ADGRB1: variants seen among roughly 807,000 people sequenced by gnomAD.
The protein encoded by ADGRB1 is brain-specific angiogenesis inhibitor 1.
ADGRB1 carries 36 observed loss-of-function variants against 175.7 expected under a neutral mutation model. That is an observed-to-expected ratio of 0.20 (90% confidence interval 0.16 to 0.27). The LOEUF (loss-of-function observed/expected upper bound fraction) is 0.27, where lower values mean the gene tolerates loss of function less well. Ranked by LOEUF, ADGRB1 falls within the 10% of genes least tolerant of loss-of-function variation. The pLI, the probability that ADGRB1 is intolerant of heterozygous loss-of-function variation, is 1.00. For missense variants in ADGRB1, 1,731 were observed against 2,255.3 expected, an observed-to-expected ratio of 0.77 and a Z score of 4.71; for synonymous variants, 1,054 against 979.4, an observed-to-expected ratio of 1.08 and a Z score of -1.42.
chr8:142,479,668 A>G, intron 8 of ADGRB1, 25 bp from the exon 9 acceptor site: 1 of 1,604,452 alleles, frequency 6.2e-7, no homozygotes, highest in Non-Finnish European at 8.5e-7. Context: ...CCCTTCCTGA[A>G]CCCCTGTCCC....
Position 142,542,497 on chromosome 8 carries a change from TC to T in ADGRB1, c.4267del (p.Gln1423SerfsTer45). On this transcript the variant is annotated frameshift_variant, in exon 28 of 31. Coordinates refer to ENST00000517894, the MANE Select transcript of ADGRB1 (RefSeq NM_001702.3). LOFTEE classifies it high-confidence loss of function. The surrounding 1 kb of genome is among the most constrained non-coding windows in gnomAD (Gnocchi z 6.3). ...PPPPPPPPPP[P>X]QQPLPPPPNL... ...CGCCTCCGCCCCCACCGCCACCACCTCCCCAGCAGCCCCTGCCCCCACCGCC... is the reference window on the plus strand; with the variant it reads ...CGCCTCCGCCCCCACCGCCACCACCTCCCAGCAGCCCCTGCCCCCACCGCC... 1.3e-6 allele frequency: 1 copy of T among 756,100 alleles called. No homozygotes were observed. The highest frequency in any genetic ancestry group is 1.7e-6 in the Non-Finnish European group (1 of 590,216). 46.8% of individuals were successfully genotyped at this position (756,100 alleles called of 1,614,324 possible). A position where few individuals can be genotyped will look rare whatever the true frequency, so the allele number is the denominator to read the frequency against.
At chr8:142,478,622 G>A (rs1841136743) in intron 7 of ADGRB1, among the ~76,000 whole-genome samples, 2 of 151,278 alleles carry the variant, frequency 1.3e-5, no homozygotes, top group African/African-American at 4.9e-5. Context: ...GGAGTGGGGT[G>A]CACAGTGGGA....
intron 11 of ADGRB1, 131 bp downstream of exon 11, chr8:142,481,842 G>T (rs941785490): frequency 1.2e-6 from 1 of 802,488 alleles, no homozygotes; most frequent in Non-Finnish European, 1.9e-6. Flanking sequence ...GTTGAACTCT[G>T]ACCTTTGTCA....
intron 20 of ADGRB1, among the ~76,000 whole-genome samples, chr8:142,521,513 G>A (rs1018815979): frequency 9.2e-5 from 14 of 152,372 alleles, no homozygotes; most frequent in African/African-American, 1.4e-4. Context: ...AAGAGGGCCC[G>A]CAGTGAGACA....
intron 17 of ADGRB1, among the ~76,000 whole-genome samples, chr8:142,491,581 C>T (rs866838645): frequency 9.2e-5 from 14 of 152,188 alleles, no homozygotes; most frequent in South Asian, 2.1e-4. Flanking sequence ...CGATGGCGGC[C>T]GGGTCCCAAC....
intron 8 of ADGRB1, 48 bp from the exon 9 acceptor site, chr8:142,479,645 C>G (rs1022038777): frequency 2.5e-6 from 4 of 1,579,364 alleles, no homozygotes; most frequent in Non-Finnish European, 3.5e-6. Flanking sequence ...AGCCAGCTGC[C>G]GGCTCTCAGT....
chr8:142,465,558 G>T (rs1840231706), intron 2 of ADGRB1, among the ~76,000 whole-genome samples: 1 of 152,026 alleles, frequency 6.6e-6, no homozygotes, highest in Non-Finnish European at 1.5e-5. Flanking sequence ...TCTGCCACAC[G>T]CTCTAGGTGC....
At chr8:142,536,617 G>A (rs116842155) in intron 25 of ADGRB1, among the ~76,000 whole-genome samples, 12 of 152,262 alleles carry the variant, frequency 7.9e-5, no homozygotes, top group Admixed American at 5.2e-4. Flanking sequence ...AGGAGGCAAC[G>A]ACATTGAGGC....
chr8:142,544,545 A>T lies in ADGRB1; in HGVS notation c.*128A>T. 8.6e-7 allele frequency: 1 copy of T among 1,158,238 alleles called. No homozygotes were observed. The highest frequency in any genetic ancestry group is 1.1e-6 in the Non-Finnish European group (1 of 882,798). The allele number at this position is 1,158,238 out of a possible 1,614,324, so 71.7% of individuals were successfully genotyped here. On this transcript the variant is annotated 3_prime_UTR_variant, in exon 31 of 31. Transcript: ENST00000517894. ...CCCGCACCCCGGCCTCAGGGCGCTCAGACGGCGGCCAGGCACAGGGCCCGC... is the reference window on the plus strand; with the variant it reads ...CCCGCACCCCGGCCTCAGGGCGCTCTGACGGCGGCCAGGCACAGGGCCCGC...
chr8:142,469,800 C>T (rs1054064551), intron 2 of ADGRB1, among the ~76,000 whole-genome samples: 3 of 151,852 alleles, frequency 2.0e-5, no homozygotes, highest in Middle Eastern at 6.8e-3. Flanking sequence ...CGTGCGTGTG[C>T]GTGGGGGGGA....
intron 1 of ADGRB1, among the ~76,000 whole-genome samples, chr8:142,451,585 G>A (rs1021727758): frequency 1.8e-4 from 28 of 152,068 alleles, no homozygotes; most frequent in African/African-American, 6.5e-4. Context: ...GTTGGGGAGG[G>A]AGCTGGGAGG....
At position 142,510,131 on chromosome 8, in the gene ADGRB1, G is replaced by A. The variant is rs1843005104; in HGVS notation, c.2676-801G>A. ...GGAAGAACAGGAGGAGGAGGTTGGG[G>A]GTGGAGAGGAGGAGGAGGGGTTTGC... On this transcript the variant is annotated intron_variant, in intron 17 of 30. Transcript: ENST00000517894. The surrounding 1 kb of genome is among the most constrained non-coding windows in gnomAD (Gnocchi z 6.3). 6.6e-6 allele frequency among the ~76,000 whole-genome samples: 1 copy of A among 152,064 alleles called. No homozygotes were observed. The highest frequency in any genetic ancestry group is 1.9e-4 in the East Asian group (1 of 5,176).
intron 21 of ADGRB1, 105 bp downstream of exon 21, chr8:142,522,220 G>A: frequency 2.7e-6 from 4 of 1,469,246 alleles, no homozygotes; most frequent in Non-Finnish European, 3.6e-6. Context: ...GGACCCCTGG[G>A]GCCTCAGTTG....
intron 2 of ADGRB1, among the ~76,000 whole-genome samples, chr8:142,465,986 G>A (rs967992163): frequency 1.3e-5 from 2 of 152,222 alleles, no homozygotes; most frequent in African/African-American, 4.8e-5. Context: ...GCCCTGTGGA[G>A]GCCCCGTGGG....
chr8:142,457,819 G>A (rs922130666), intron 1 of ADGRB1, among the ~76,000 whole-genome samples: 11 of 152,164 alleles, frequency 7.2e-5, no homozygotes, highest in Non-Finnish European at 1.5e-4. Context: ...CCTGAGACAC[G>A]CAAATAAGTT....
In ADGRB1 at chr8:142,475,511, G is replaced by C. The variant is rs866083055; in HGVS notation, c.822G>C (p.Thr274=). Residue 274 remains threonine (T), a synonymous_variant, in exon 3 of 31, where the codon ACG becomes ACC. Transcript: ENST00000517894. Reference sequence around the variant, plus strand: ...TGTGGTCCCTGTGGGGCGAATGCACGCGGGACTGCGGGGGAGGCCTCCAGA... The same window carrying C: ...TGTGGTCCCTGTGGGGCGAATGCACCCGGGACTGCGGGGGAGGCCTCCAGA... ...WKLWSLWGEC[T]RDCGGGLQTR... is the part of the protein sequence containing the mutation. 15 of 1,294,628 alleles carry C rather than the reference G, an allele frequency of 1.2e-5. No individual in the cohort carries two copies. In the Middle Eastern group the frequency reaches 1.9e-3, roughly 162 times the overall value. The allele number at this position is 1,294,628 out of a possible 1,614,324, so 80.2% of individuals were successfully genotyped here. A position where few individuals can be genotyped will look rare whatever the true frequency, so the allele number is the denominator to read the frequency against.
At position 142,474,150 on chromosome 8, in the gene ADGRB1, C is replaced by T. The variant is rs1223158960; in HGVS notation, c.785-1324C>T. Reference sequence around the variant, plus strand: ...GAGCTACCCTGGGGTCTCCTGCAGTCCACACTCCCACTGAGGGAGGCAGGG... The same window carrying T: ...GAGCTACCCTGGGGTCTCCTGCAGTTCACACTCCCACTGAGGGAGGCAGGG... On this transcript the variant is annotated intron_variant, in intron 2 of 30. Transcript: ENST00000517894. This position sits in a 1 kb window ranked among gnomAD's most constrained non-coding sequence, Gnocchi z 5.8. 1.3e-5 allele frequency among the ~76,000 whole-genome samples: 2 copies of T among 152,092 alleles called. No individual in the cohort carries two copies. The highest frequency in any genetic ancestry group is 2.1e-4 in the South Asian group (1 of 4,828).
At chr8:142,458,058 C>T (rs985377926) in intron 1 of ADGRB1, among the ~76,000 whole-genome samples, 2 of 146,708 alleles carry the variant, frequency 1.4e-5, no homozygotes, top group Non-Finnish European at 3.0e-5. Context: ...TTCAGAGGGC[C>T]GGCAGGACAA....
chr8:142,464,033 G>A lies in ADGRB1; in HGVS notation c.-166G>A. The A allele has an allele frequency of 1.8e-6, 1 of 549,156 alleles. No individual in the cohort carries two copies. The highest frequency in any genetic ancestry group is 2.7e-6 in the Non-Finnish European group (1 of 372,604). The allele number at this position is 549,156 out of a possible 1,614,324, so 34.0% of individuals were successfully genotyped here. A position where few individuals can be genotyped will look rare whatever the true frequency, so the allele number is the denominator to read the frequency against. On this transcript the variant is annotated 5_prime_UTR_variant, in exon 2 of 31. Coordinates refer to ENST00000517894, the MANE Select transcript of ADGRB1 (RefSeq NM_001702.3). ...AGGGCCCTGGACTTTAGAAGCCGTT[G>A]CTGCCCTCTCTGTCACCTGAAGCGG...
Sources: gnomAD v4.1 joint callset for allele counts (sites outside exome capture counted in the v4.1 genomes callset) on GRCh38, gnomAD v4.1.1 for gene constraint, Gnocchi (gnomAD v3.1) non-coding constraint, MANE v1.5 for transcripts, NCBI Gene and HGNC (gene_info 2026-07-23, HGNC 2026-07-21) for gene names.